The following CNKSR2 variants were observed in gnomAD, a reference collection of about 807,000 sequenced individuals.
CNKSR2 encodes CNK homolog protein 2.
Under a neutral mutation model 84.4 loss-of-function variants are expected in CNKSR2, and 14 were observed. That is an observed-to-expected ratio of 0.17 (90% CI 0.11 to 0.26). The LOEUF (loss-of-function observed/expected upper bound fraction) is 0.26, where lower values mean the gene tolerates loss of function less well. Ranked by LOEUF, CNKSR2 falls within the 10% of genes least tolerant of loss-of-function variation. The pLI, the probability that CNKSR2 is intolerant of heterozygous loss-of-function variation, is 1.00. For missense variants in CNKSR2, 485 were observed against 771.2 expected (o/e 0.63, Z 4.40); for synonymous variants, 275 against 277.9 (o/e 0.99, Z 0.10).
At chrX:21,511,478 A>G (rs1220151472) in intron 8 of CNKSR2, among the ~76,000 whole-genome samples, 1 of 110,738 alleles carries the variant, frequency 9.0e-6, no homozygotes, top group African/African-American at 3.3e-5. Context: ...ATATCAGCTC[A>G]CTAGTCAAGT....
At chrX:21,515,815 T>G (rs1298326518) in intron 8 of CNKSR2, among the ~76,000 whole-genome samples, 1 of 112,183 alleles carries the variant, frequency 8.9e-6, no homozygotes, top group Non-Finnish European at 1.9e-5. Context: ...ATAGAATGGC[T>G]TCATTAAATT....
chrX:21,424,066 C>G (rs919151921), intron 1 of CNKSR2: 6 of 111,312 alleles, frequency 5.4e-5, no homozygotes, highest in African/African-American at 2.0e-4. Flanking sequence ...CTGTGAGTTA[C>G]TTACTGTGTA....
chrX:21,542,416 C>G (rs1376559677), intron 11 of CNKSR2, among the ~76,000 whole-genome samples: 1 of 111,938 alleles, frequency 8.9e-6, no homozygotes, highest in African/African-American at 3.2e-5. Context: ...TGTAAATTGC[C>G]TCAGTGCCCA....
In CNKSR2 at chrX:21,426,488, A is replaced by G. The variant is rs963671924; in HGVS notation, c.65-9A>G. The G allele has an allele frequency of 4.0e-5, 48 of 1,202,294 alleles. No individual in the cohort carries two copies. The highest frequency in any genetic ancestry group is 5.4e-5 in the Non-Finnish European group (48 of 890,320). On this transcript the variant is annotated splice_polypyrimidine_tract_variant and intron_variant, in intron 1 of 21. Coordinates refer to ENST00000379510, the MANE Select transcript of CNKSR2 (RefSeq NM_014927.5). ...TTTCATTCTGGTCTTTCATACTTTT[A>G]TTTTGTAGGTCTTGATGACTGTTTG...
intron 17 of CNKSR2, among the ~76,000 whole-genome samples, chrX:21,599,339 G>GGTGTGTGTGTGT (rs34829122): frequency 7.3e-5 from 6 of 82,686 alleles, no homozygotes; most frequent in African/African-American, 1.4e-4. Context: ...TTTTTGTTTT[G>GGTGTGTGTGTGT]GTGTGTGTGT....
At chrX:21,483,833 T>C (rs1464793880) in intron 5 of CNKSR2, among the ~76,000 whole-genome samples, 2 of 110,036 alleles carry the variant, frequency 1.8e-5, no homozygotes, top group African/African-American at 6.6e-5. Context: ...GTGAGGCGTA[T>C]ACTTACAGTT....
chrX:21,518,321 C>G (rs1323470841), intron 9 of CNKSR2, among the ~76,000 whole-genome samples: 1 of 111,462 alleles, frequency 9.0e-6, no homozygotes, highest in Non-Finnish European at 1.9e-5. Flanking sequence ...CCTGTATTTT[C>G]AGCCAGTAGG....
intron 13 of CNKSR2, among the ~76,000 whole-genome samples, chrX:21,583,831 T>A (rs1261135837): frequency 9.0e-6 from 1 of 110,954 alleles, no homozygotes; most frequent in Non-Finnish European, 1.9e-5. Context: ...TCCAAAAGAG[T>A]GGGGAATGAA....
At chrX:21,584,035 A>G (rs2092369974) in intron 13 of CNKSR2, among the ~76,000 whole-genome samples, 1 of 112,456 alleles carries the variant, frequency 8.9e-6, no homozygotes, top group South Asian at 3.7e-4. Context: ...TGATTTCAAC[A>G]CATTCATTCA....
Position 21,374,597 on chromosome X carries a change from A to AGCAGCG in CNKSR2, c.-296_-295insGGCAGC, listed in dbSNP as rs757875392. On this transcript the variant is annotated 5_prime_UTR_variant, in exon 1 of 22. Coordinates refer to ENST00000379510, the MANE Select transcript of CNKSR2 (RefSeq NM_014927.5). Reference sequence around the variant, plus strand: ...GAGACCGGAGCGGAGCGGCGGAGGCAGCAGCAGCAGCAGCAGCAGCAGCAG... The same window carrying AGCAGCG: ...GAGACCGGAGCGGAGCGGCGGAGGCAGCAGCGGCAGCAGCAGCAGCAGCAGCAGCAG... 2.7e-5 allele frequency: 8 copies of AGCAGCG among 294,403 alleles called. No homozygotes were observed. Among genetic ancestry groups the AGCAGCG allele is most frequent in the African/African-American group, 5.2e-5 (1 of 19,151 alleles). The allele number at this position is 294,403 out of a possible 1,213,427, so 24.3% of individuals were successfully genotyped here. A position where few individuals can be genotyped will look rare whatever the true frequency, so the allele number is the denominator to read the frequency against.
intron 1 of CNKSR2, among the ~76,000 whole-genome samples, chrX:21,400,113 G>A (rs904136734): frequency 9.0e-6 from 1 of 110,892 alleles, no homozygotes; most frequent in Non-Finnish European, 1.9e-5. Context: ...TTACAACCAG[G>A]CATCATGCCA....
At position 21,609,522 on chromosome X, in the gene CNKSR2, A is replaced by T; in HGVS notation, c.2597A>T (p.Asp866Val). The change falls in exon 20 of 22, where the codon GAC becomes GTC. Residue 866 changes from aspartate to valine, a missense_variant. Coordinates refer to ENST00000379510, the MANE Select transcript of CNKSR2 (RefSeq NM_014927.5). ...CTGAATGCTCCAGTTAGTGCCTGTG[A>T]CCCACAGGATGACGTGCAACCCCCA... ...CCLNAPVSAC[D>V]PQDDVQPPEV... 4 of 1,210,907 alleles carry T rather than the reference A, an allele frequency of 3.3e-6. No homozygotes were observed. The South Asian group carries it at 7.0e-5, about 21-fold the overall frequency.
intron 1 of CNKSR2, among the ~76,000 whole-genome samples, chrX:21,397,179 G>A (rs1357035059): frequency 5.4e-5 from 6 of 111,256 alleles, no homozygotes; most frequent in African/African-American, 2.0e-4. Flanking sequence ...GATTGTTAAC[G>A]CAGTCCAGTG....
chrX:21,612,734 C>T (rs1242197109), intron 20 of CNKSR2, among the ~76,000 whole-genome samples: 1 of 111,887 alleles, frequency 8.9e-6, no homozygotes, highest in Non-Finnish European at 1.9e-5. Flanking sequence ...ATCTAAGAAG[C>T]AAGATATACC....
At chrX:21,410,606 C>G (rs1466245605) in intron 1 of CNKSR2, among the ~76,000 whole-genome samples, 1 of 111,285 alleles carries the variant, frequency 9.0e-6, no homozygotes, top group African/African-American at 3.3e-5. Context: ...TCTTTTTATC[C>G]TAACATTAAA....
chrX:21,390,005 A>G (rs1454314275), intron 1 of CNKSR2, among the ~76,000 whole-genome samples: 1 of 112,137 alleles, frequency 8.9e-6, no homozygotes, highest in Non-Finnish European at 1.9e-5. Context: ...ACCAAAAGTT[A>G]GCTCCATCTT....
chrX:21,641,667 G>A (rs868770121), intron 20 of CNKSR2: 14 of 1,129,561 alleles, frequency 1.2e-5, no homozygotes, highest in South Asian at 2.2e-5. Flanking sequence ...TCGGTACGGC[G>A]CAGACTCAAC....
intron 1 of CNKSR2, among the ~76,000 whole-genome samples, chrX:21,388,565 C>A (rs758006187): frequency 6.5e-4 from 73 of 112,174 alleles, no homozygotes; most frequent in African/African-American, 2.2e-3. Context: ...TCTGAAAGAG[C>A]TTCCAATAGC....
At chrX:21,607,597 A>C (rs1426901305) in intron 19 of CNKSR2, among the ~76,000 whole-genome samples, 1 of 111,305 alleles carries the variant, frequency 9.0e-6, no homozygotes, top group African/African-American at 3.3e-5. Flanking sequence ...TGAGGTCAGG[A>C]GTTCGAAAGC....
Sources: gnomAD v4.1 joint callset for allele counts (sites outside exome capture counted in the v4.1 genomes callset) on GRCh38, gnomAD v4.1.1 for gene constraint, MANE v1.5 for transcripts, NCBI Gene and HGNC (gene_info 2026-07-23, HGNC 2026-07-21) for gene names.